NDUFAF2: variants seen among roughly 807,000 people sequenced by gnomAD.
NDUFAF2 encodes the protein NADH dehydrogenase [ubiquinone] 1 alpha subcomplex assembly factor 2.
In NDUFAF2, 13 loss-of-function variants were observed where a neutral mutation model predicts 22.8. That is an observed-to-expected ratio of 0.57 (90% CI 0.37 to 0.91). NDUFAF2 has a LOEUF of 0.91. Ranked by LOEUF, NDUFAF2 falls within the 40% of genes least tolerant of loss-of-function variation. NDUFAF2 has a pLI of 0.01. For missense variants in NDUFAF2, 162 were observed against 195.2 expected, an observed-to-expected ratio of 0.83 and a Z score of 1.01; for synonymous variants, 53 against 64.2, an observed-to-expected ratio of 0.83 and a Z score of 0.84.
intron 1 of NDUFAF2, among the ~76,000 whole-genome samples, chr5:60,963,019 G>A (rs1017543669): frequency 6.6e-6 from 1 of 151,744 alleles, no homozygotes; most frequent in Non-Finnish European, 1.5e-5. Context: ...CCGAGTAGTT[G>A]GAACTACAGG....
Position 60,967,544 on chromosome 5 carries a change from T to A in NDUFAF2, c.127+22162T>A, listed in dbSNP as rs762057678. ...CCTAATTTGTTGGAAGTTTTTTTTTTATCATGAAAGAGTGTTGAATTTTGT... is the reference window on the plus strand; with the variant it reads ...CCTAATTTGTTGGAAGTTTTTTTTTAATCATGAAAGAGTGTTGAATTTTGT... On this transcript the variant is annotated intron_variant, in intron 1 of 3. Transcript: ENST00000296597. Among the ~76,000 whole-genome samples, 186 of 151,928 alleles carry A rather than the reference T, an allele frequency of 1.2e-3. 1 individual carries two copies. The highest frequency in any genetic ancestry group is 3.2e-4 in the Non-Finnish European group (22 of 67,866).
chr5:60,992,022 T>C (rs886935994), intron 1 of NDUFAF2, among the ~76,000 whole-genome samples: 4 of 152,226 alleles, frequency 2.6e-5, no homozygotes, highest in Non-Finnish European at 5.9e-5. Flanking sequence ...ATTGTAGTTT[T>C]GATTTAGATT....
chr5:61,012,638 A>G (rs1473926958), intron 1 of NDUFAF2, among the ~76,000 whole-genome samples: 1 of 151,988 alleles, frequency 6.6e-6, no homozygotes, highest in Non-Finnish European at 1.5e-5. Flanking sequence ...ATAATAATAT[A>G]TATTAGTATT....
At chr5:61,077,978 A>G (rs534296152) in intron 2 of NDUFAF2, among the ~76,000 whole-genome samples, 50 of 152,344 alleles carry the variant, frequency 3.3e-4, no homozygotes, top group Non-Finnish European at 6.8e-4. Flanking sequence ...TCAATATTAT[A>G]CTGCCTACAT....
At chr5:61,125,947 A>C (rs1023390945) in intron 3 of NDUFAF2, among the ~76,000 whole-genome samples, 3 of 152,024 alleles carry the variant, frequency 2.0e-5, no homozygotes, top group African/African-American at 7.2e-5. Context: ...TATGCATCCA[A>C]TCATATTGTT....
At chr5:61,097,369 C>G (rs930439306) in intron 2 of NDUFAF2, among the ~76,000 whole-genome samples, 1 of 151,736 alleles carries the variant, frequency 6.6e-6, no homozygotes, top group South Asian at 2.1e-4. Flanking sequence ...TACAGTTGGG[C>G]AAAATCATCT....
chr5:61,045,152 AAAT>A (rs1453905962), intron 1 of NDUFAF2, among the ~76,000 whole-genome samples: 1 of 114,770 alleles, frequency 8.7e-6, no homozygotes, highest in Admixed American at 9.9e-5. Context: ...TAATAAAATA[AAAT>A]AAAGTTTTAT....
intron 1 of NDUFAF2, among the ~76,000 whole-genome samples, chr5:60,990,456 A>T (rs1751143496): frequency 1.3e-5 from 2 of 152,186 alleles, no homozygotes. Flanking sequence ...TGAAATTATG[A>T]GCAATTCATA....
intron 1 of NDUFAF2, among the ~76,000 whole-genome samples, chr5:61,060,388 T>G (rs1367362353): frequency 6.6e-6 from 1 of 152,188 alleles, no homozygotes; most frequent in African/African-American, 2.4e-5. Context: ...TGGCTTTCAG[T>G]AGTTCTCACT....
chr5:60,995,126 A>C (rs1751212367), intron 1 of NDUFAF2, among the ~76,000 whole-genome samples: 1 of 152,212 alleles, frequency 6.6e-6, no homozygotes, highest in African/African-American at 2.4e-5. Flanking sequence ...TCCTCAATAC[A>C]GCAATTTTGA....
intron 2 of NDUFAF2, among the ~76,000 whole-genome samples, chr5:61,076,604 T>C (rs939736465): frequency 1.6e-4 from 24 of 152,176 alleles, no homozygotes; most frequent in Admixed American, 4.6e-4. Context: ...TTAATAGGAT[T>C]GTGAATCTGG....
chr5:60,982,989 T>A (rs1475560098), intron 1 of NDUFAF2, among the ~76,000 whole-genome samples: 1 of 151,908 alleles, frequency 6.6e-6, no homozygotes, highest in East Asian at 2.0e-4. Flanking sequence ...ACTTCCACAA[T>A]GGTTGAACTA....
At chr5:61,093,452 G>T (rs1204207572) in intron 2 of NDUFAF2, among the ~76,000 whole-genome samples, 1 of 152,144 alleles carries the variant, frequency 6.6e-6, no homozygotes, top group East Asian at 1.9e-4. Flanking sequence ...AGTTTATTAA[G>T]AGTTTTTAAC....
chr5:61,014,628 G>C (rs1046999490), intron 1 of NDUFAF2, among the ~76,000 whole-genome samples: 2 of 152,086 alleles, frequency 1.3e-5, no homozygotes, highest in African/African-American at 2.4e-5. Context: ...AACCTATGGA[G>C]TCTGCACTAA....
chr5:60,956,257 C>CT (rs939645220), intron 1 of NDUFAF2, among the ~76,000 whole-genome samples: 9 of 152,130 alleles, frequency 5.9e-5, no homozygotes, highest in Non-Finnish European at 1.0e-4. Context: ...GTCTGAACAG[C>CT]TTTTTTTGTG....
intron 3 of NDUFAF2, among the ~76,000 whole-genome samples, chr5:61,105,449 A>C (rs1276147829): frequency 6.6e-6 from 1 of 150,684 alleles, no homozygotes; most frequent in Admixed American, 6.6e-5. Context: ...TGGACCTCCC[A>C]CTCCTCACCC....
intron 1 of NDUFAF2, among the ~76,000 whole-genome samples, chr5:60,951,958 A>G (rs1750553466): frequency 6.6e-6 from 1 of 151,284 alleles, no homozygotes; most frequent in African/African-American, 2.4e-5. Context: ...GGTAGTTTTT[A>G]TCTTTTGAGT....
At chr5:61,049,364 G>T (rs950503764) in intron 1 of NDUFAF2, among the ~76,000 whole-genome samples, 21 of 152,034 alleles carry the variant, frequency 1.4e-4, no homozygotes, top group African/African-American at 5.1e-4. Flanking sequence ...AATAAGACAC[G>T]GATTTTTACC....
At chr5:60,986,489 T>C (rs1166766815) in intron 1 of NDUFAF2, among the ~76,000 whole-genome samples, 1 of 152,192 alleles carries the variant, frequency 6.6e-6, no homozygotes, top group Non-Finnish European at 1.5e-5. Flanking sequence ...GGGAAATTTC[T>C]GGCACTATAC....
Sources: gnomAD v4.1 joint callset for allele counts (sites outside exome capture counted in the v4.1 genomes callset) on GRCh38, gnomAD v4.1.1 for gene constraint, MANE v1.5 for transcripts, NCBI Gene and HGNC (gene_info 2026-07-23, HGNC 2026-07-21) for gene names.